The following LPL variants were observed in gnomAD, a reference collection of about 807,000 sequenced individuals.
LPL encodes the protein lipoprotein lipase.
LPL carries 43 observed loss-of-function variants against 52.2 expected under a neutral mutation model. The ratio of observed to expected loss-of-function variants is 0.82; its 90% CI spans 0.64 to 1.06. The LOEUF is 1.06. Among genes scored for constraint, LPL ranks in the 50% least tolerant of loss-of-function variants. The probability of loss-of-function intolerance (pLI) is 0.00; values close to 1 mark genes in which losing one functional copy is unlikely to be tolerated. For missense variants in LPL, 639 were observed against 585.3 expected (o/e 1.09, Z -0.95); for synonymous variants, 244 against 215.6 (o/e 1.13, Z -1.15).
intron 9 of LPL, among the ~76,000 whole-genome samples, chr8:19,962,444 G>C (rs1050837555): frequency 6.6e-6 from 1 of 152,060 alleles, no homozygotes; most frequent in Admixed American, 6.6e-5. Context: ...TCCCAGCCCG[G>C]ACCTTCAACC....
At chr8:19,960,436 C>T (rs774025593) in intron 7 of LPL, among the ~76,000 whole-genome samples, 12 of 152,024 alleles carry the variant, frequency 7.9e-5, no homozygotes, top group Non-Finnish European at 1.8e-4. Context: ...GTAAATGAAT[C>T]GTGGTTTATC....
chr8:19,963,484 T>G lies in LPL; in HGVS notation c.1427+1265T>G, dbSNP rs28599962. On this transcript the variant is annotated intron_variant, in intron 9 of 9. Transcript: ENST00000650287. ...TAGGAAAAGTATATTAAAGACCCTA[T>G]GTGTAACATCTTTAATGTTTTTAAA... Among the ~76,000 whole-genome samples, 669 of 151,166 alleles carry G rather than the reference T, an allele frequency of 4.4e-3. 7 individuals carry two copies. The highest frequency in any genetic ancestry group is 0.015 in the African/African-American group (638 of 41,164).
intron 2 of LPL, among the ~76,000 whole-genome samples, chr8:19,948,758 A>G (rs2069905692): frequency 6.6e-6 from 1 of 152,108 alleles, no homozygotes. Context: ...GGAGTGAGGA[A>G]GTGTGGCGTC....
intron 8 of LPL, among the ~76,000 whole-genome samples, 180 bp downstream of exon 8, chr8:19,961,263 G>T (rs950022770): frequency 9.3e-5 from 14 of 150,380 alleles, no homozygotes; most frequent in South Asian, 2.1e-4. Flanking sequence ...GGGGGGCAGG[G>T]GGGGGGAAGT....
At chr8:19,948,740 G>A (rs1301214743) in intron 2 of LPL, among the ~76,000 whole-genome samples, 4 of 152,256 alleles carry the variant, frequency 2.6e-5, no homozygotes, top group South Asian at 4.1e-4. Flanking sequence ...TGAGGAGAGG[G>A]CTGGAGTGGA....
In LPL at chr8:19,960,922, G is replaced by A; in HGVS notation, c.1161G>A (p.Lys387=). The A allele has an allele frequency of 2.5e-6, 4 of 1,613,762 alleles. No homozygotes were observed. The highest frequency in any genetic ancestry group is 3.4e-6 in the Non-Finnish European group (4 of 1,179,906). Residue 387 remains lysine (K), a synonymous_variant, in exon 8 of 10, where the codon AAG becomes AAA. Coordinates refer to ENST00000650287, the MANE Select transcript of LPL (RefSeq NM_000237.3). ...PFTLPEVSTN[K]TYSFLIYTEV... ...TTAGGCCTGAAGTTTCCACAAATAAGACCTACTCCTTCCTAATTTACACAG... is the reference window on the plus strand; with the variant it reads ...TTAGGCCTGAAGTTTCCACAAATAAAACCTACTCCTTCCTAATTTACACAG...
Position 19,950,602 on chromosome 8 carries a change from C to T in LPL, c.250-1167C>T, listed in dbSNP as rs1244761281. 6.6e-6 allele frequency among the ~76,000 whole-genome samples: 1 copy of T among 152,158 alleles called. No homozygotes were observed. The highest frequency in any genetic ancestry group is 1.5e-5 in the Non-Finnish European group (1 of 68,032). ...ATCACTGGAGGTCAGGAGTTTGAGACCAACCTGGCCAACATGGGGAAACCC... is the reference window on the plus strand; with the variant it reads ...ATCACTGGAGGTCAGGAGTTTGAGATCAACCTGGCCAACATGGGGAAACCC... On this transcript the variant is annotated intron_variant, in intron 2 of 9. Transcript: ENST00000650287. The surrounding 1 kb of genome is among the most constrained non-coding windows in gnomAD (Gnocchi z 4.2).
intron 9 of LPL, among the ~76,000 whole-genome samples, chr8:19,963,387 G>C (rs1283685027): frequency 6.7e-5 from 10 of 148,760 alleles, no homozygotes; most frequent in Non-Finnish European, 1.0e-4. Context: ...AGTGAGATGA[G>C]ATCGCGCCAT....
rs272 is a variant in LPL at position 19,956,417 on chromosome 8, C to G, written c.1018+334C>G. 0.023 allele frequency among the ~76,000 whole-genome samples: 3,523 copies of G among 152,298 alleles called. 142 individuals are homozygous for G. Among genetic ancestry groups the G allele is most frequent in the African/African-American group, 0.08 (3,306 of 41,558 alleles). On this transcript the variant is annotated intron_variant, in intron 6 of 9. Coordinates refer to ENST00000650287, the MANE Select transcript of LPL (RefSeq NM_000237.3). ...TCCACCTCGGGTCAACAAACTATAACCCTTGTGCCAAATCCAGCCTACTTC... is the reference window on the plus strand; with the variant it reads ...TCCACCTCGGGTCAACAAACTATAAGCCTTGTGCCAAATCCAGCCTACTTC...
chr8:19,948,719 G>A (rs2069905424), intron 2 of LPL, among the ~76,000 whole-genome samples: 1 of 152,276 alleles, frequency 6.6e-6, no homozygotes, highest in African/African-American at 2.4e-5. Flanking sequence ...AAAGAAGACA[G>A]CATGGAAGAG....
rs1304688882 is a variant in LPL at position 19,939,383 on chromosome 8, C to T, written c.-58C>T. 1.3e-6 allele frequency: 2 copies of T among 1,528,638 alleles called. No individual in the cohort carries two copies. Among genetic ancestry groups the T allele is most frequent in the African/African-American group, 1.4e-5 (1 of 73,244 alleles). 94.7% of individuals were successfully genotyped at this position (1,528,638 alleles called of 1,614,324 possible). A position where few individuals can be genotyped will look rare whatever the true frequency, so the allele number is the denominator to read the frequency against. On this transcript the variant is annotated 5_prime_UTR_variant, in exon 1 of 10. Coordinates refer to ENST00000650287, the MANE Select transcript of LPL (RefSeq NM_000237.3). The surrounding 1 kb of genome is among the most constrained non-coding windows in gnomAD (Gnocchi z 4.0). The stretch of plus-strand genomic sequence containing the variant: ...CTCCAGCCCTCTCCAGCCTCCGGCT[C>T]AGCCGGCTCATCAGTCGGTCCGCGC...
At chr8:19,962,022 G>A (rs2070043248) in intron 8 of LPL, 93 bp from the exon 9 acceptor site, 7 of 841,620 alleles carry the variant, frequency 8.3e-6, no homozygotes, top group Admixed American at 1.7e-5. Context: ...GCATGATCAT[G>A]TATTATTTAA....
In LPL at chr8:19,951,956, TG is replaced by T. The variant is rs780442035; in HGVS notation, c.429+11del. Reference sequence around the variant, plus strand: ...TTTATCAACTGGATGGAGGTAAGACTGGGAGAAGGAGACTTATGTGTCCAAA... The same window carrying T: ...TTTATCAACTGGATGGAGGTAAGACTGGAGAAGGAGACTTATGTGTCCAAA... On this transcript the variant is annotated intron_variant, in intron 3 of 9. Transcript: ENST00000650287. 1 of 1,614,156 alleles carries T rather than the reference TG, an allele frequency of 6.2e-7. No individual in the cohort carries two copies. Among genetic ancestry groups the T allele is most frequent in the Admixed American group, 1.7e-5 (1 of 60,020 alleles).
chr8:19,962,333 C>G, intron 9 of LPL, 114 bp downstream of exon 9: 3 of 776,206 alleles, frequency 3.9e-6, no homozygotes, highest in Non-Finnish European at 7.0e-6. Context: ...CTCATGTGAT[C>G]AAAGCATTCA....
intron 2 of LPL, among the ~76,000 whole-genome samples, chr8:19,949,325 T>C (rs572350091): frequency 4.6e-5 from 7 of 152,180 alleles, no homozygotes; most frequent in Non-Finnish European, 7.3e-5. Flanking sequence ...CGCTACAATT[T>C]TTATAGAGAT....
intron 1 of LPL, among the ~76,000 whole-genome samples, chr8:19,943,957 G>A (rs2069862125): frequency 6.6e-6 from 1 of 152,178 alleles, no homozygotes; most frequent in African/African-American, 2.4e-5. Flanking sequence ...GGGAGGCCGA[G>A]GCGGGTGGAT....
intron 1 of LPL, chr8:19,946,508 A>C (rs1205449624): frequency 4.2e-6 from 1 of 239,636 alleles, no homozygotes; most frequent in Non-Finnish European, 8.6e-6. Context: ...TCACTATGAC[A>C]CTCTTATTTT....
In LPL at chr8:19,939,340, C is replaced by T. The variant is rs1388541862; in HGVS notation, c.-101C>T. On this transcript the variant is annotated 5_prime_UTR_variant, in exon 1 of 10. Transcript: ENST00000650287. This position sits in a 1 kb window ranked among gnomAD's most constrained non-coding sequence, Gnocchi z 4.0. ...GCCATCCCCTTTAAAGGGCGACTTGCTCAGCGCCAAACCGCGGCTCCAGCC... is the reference window on the plus strand; with the variant it reads ...GCCATCCCCTTTAAAGGGCGACTTGTTCAGCGCCAAACCGCGGCTCCAGCC... 8 of 1,159,690 alleles carry T rather than the reference C, an allele frequency of 6.9e-6. No homozygotes were observed. The highest frequency in any genetic ancestry group is 1.5e-5 in the African/African-American group (1 of 65,570). 71.8% of individuals were successfully genotyped at this position (1,159,690 alleles called of 1,614,324 possible). A position where few individuals can be genotyped will look rare whatever the true frequency, so the allele number is the denominator to read the frequency against.
At chr8:19,962,088 C>G (rs1293090447) in intron 8 of LPL, 27 bp from the exon 9 acceptor site, 2 of 1,428,106 alleles carry the variant, frequency 1.4e-6, no homozygotes, top group Admixed American at 3.3e-5. Context: ...TTCTACATGG[C>G]ATATTCACAT....
Sources: gnomAD v4.1 joint callset for allele counts (sites outside exome capture counted in the v4.1 genomes callset) on GRCh38, gnomAD v4.1.1 for gene constraint, Gnocchi (gnomAD v3.1) non-coding constraint, MANE v1.5 for transcripts, NCBI Gene and HGNC (gene_info 2026-07-23, HGNC 2026-07-21) for gene names.